CNTD1: variants seen among roughly 807,000 people sequenced by gnomAD.
CNTD1 encodes the protein cyclin N-terminal domain containing 1.
CNTD1 carries 17 observed loss-of-function variants against 36.3 expected under a neutral mutation model. The ratio of observed to expected loss-of-function variants is 0.47; its 90% CI spans 0.32 to 0.70. The LOEUF is 0.70. CNTD1 is among the 30% of genes least tolerant of loss of function. The pLI, the probability that CNTD1 is intolerant of heterozygous loss-of-function variation, is 0.03. For missense variants in CNTD1, 338 were observed against 386.1 expected (o/e 0.88, Z 1.04); for synonymous variants, 128 against 153.3 (o/e 0.83, Z 1.22).
chr17:42,802,192 TC>T (rs2054807498), intron 1 of CNTD1, among the ~76,000 whole-genome samples: 2 of 151,920 alleles, frequency 1.3e-5, no homozygotes, highest in African/African-American at 4.8e-5. Flanking sequence ...CATAGGACAA[TC>T]CCGTCTATTT....
chr17:42,807,762 A>G lies in CNTD1; in HGVS notation c.726-6A>G. 1.9e-6 allele frequency: 3 copies of G among 1,603,342 alleles called. No homozygotes were observed. The highest frequency in any genetic ancestry group is 2.6e-6 in the Non-Finnish European group (3 of 1,170,292). On this transcript the variant is annotated splice_polypyrimidine_tract_variant and splice_region_variant and intron_variant, in intron 5 of 6. Coordinates refer to ENST00000588408, the MANE Select transcript of CNTD1 (RefSeq NM_173478.3). The stretch of plus-strand genomic sequence containing the variant: ...CTTTAAAATTAATGTGGTTTTAATC[A>G]CTCAGGGAAAAGTTTACTTCAGTGA...
upstream of CNTD1, chr17:42,798,843 C>A (rs1203766106): frequency 6.9e-6 from 10 of 1,441,166 alleles, no homozygotes; most frequent in African/African-American, 1.4e-5. Context: ...GAGAAGCGGA[C>A]GTGCTTTCTG....
intron 1 of CNTD1, among the ~76,000 whole-genome samples, chr17:42,800,188 G>C (rs2054755880): frequency 6.6e-6 from 1 of 152,058 alleles, no homozygotes; most frequent in South Asian, 2.1e-4. Context: ...TAGGTACTAT[G>C]GTTAGATAAG....
intron 4 of CNTD1, among the ~76,000 whole-genome samples, chr17:42,806,226 C>CAA (rs34561225): frequency 5.3e-4 from 68 of 129,498 alleles, no homozygotes; most frequent in African/African-American, 1.7e-3. Context: ...GACTCCTTCT[C>CAA]AAAAAAAAAA....
chr17:42,809,522 C>A lies in CNTD1; in HGVS notation c.980C>A (p.Ser327Tyr). 6.2e-7 allele frequency: 1 copy of A among 1,614,004 alleles called. No individual in the cohort carries two copies. Among genetic ancestry groups the A allele is most frequent in the South Asian group, 1.1e-5 (1 of 91,070 alleles). ...GCCAGAGCTCTGAAGACTGTTGCTT[C>A]CTCTAACACATGAGGGAGGCTGAAT... ...LAARALKTVASSNT is the reference protein window; with the variant it reads ...LAARALKTVAYSNT The change falls in exon 7 of 7, where the codon TCC becomes TAC. Residue 327 changes from serine (S) to tyrosine (Y), a missense_variant. Physicochemically the swap from Ser to Tyr is moderately radical, Grantham distance 144 (BLOSUM62 -2). Coordinates refer to ENST00000588408, the MANE Select transcript of CNTD1 (RefSeq NM_173478.3).
At position 42,810,777 on chromosome 17, in the gene CNTD1, G is replaced by T. The variant is rs748988593; in HGVS notation, c.*1242G>T. 1 of 1,608,986 alleles carries T rather than the reference G, an allele frequency of 6.2e-7. No individual in the cohort carries two copies. The highest frequency in any genetic ancestry group is 2.2e-5 in the East Asian group (1 of 44,782). On this transcript the variant is annotated 3_prime_UTR_variant, in exon 7 of 7. Transcript: ENST00000588408. Reference sequence around the variant, plus strand: ...GAAAAAAGTCATTTGTTATAAAATTGTGAGGACACCCAAGCAAGACCCCAC... The same window carrying T: ...GAAAAAAGTCATTTGTTATAAAATTTTGAGGACACCCAAGCAAGACCCCAC...
In CNTD1 at chr17:42,799,752, CAAAAAAAAAAAAA is replaced by C. The variant is rs780393099; in HGVS notation, c.169+535_169+547del. Among the ~76,000 whole-genome samples the C allele has an allele frequency of 8.5e-4, 9 of 10,590 alleles. No individual in the cohort carries two copies. The South Asian group carries it at 0.013, about 16-fold the overall frequency. 6.9% of individuals were successfully genotyped at this position (10,590 alleles called of 152,430 possible). A position where few individuals can be genotyped will look rare whatever the true frequency, so the allele number is the denominator to read the frequency against. ...AGACGACAAGAATGAAACTCCGTCT[CAAAAAAAAAAAAA>C]AAAAAAAAAAAAAAAAAAGGCTGGG... On this transcript the variant is annotated intron_variant, in intron 1 of 6. Coordinates refer to ENST00000588408, the MANE Select transcript of CNTD1 (RefSeq NM_173478.3).
At chr17:42,808,436 A>G (rs1435900146) in intron 6 of CNTD1, among the ~76,000 whole-genome samples, 1 of 151,790 alleles carries the variant, frequency 6.6e-6, no homozygotes, top group Non-Finnish European at 1.5e-5. Context: ...CTGTGGTCCC[A>G]GCTACCCAGG....
At chr17:42,801,543 ATAT>A (rs2054793589) in intron 1 of CNTD1, among the ~76,000 whole-genome samples, 3 of 50,438 alleles carry the variant, frequency 5.9e-5, no homozygotes, top group East Asian at 1.1e-3. Flanking sequence ...ATATATATAT[ATAT>A]AATATATGTG....
intron 3 of CNTD1, 51 bp from the exon 4 acceptor site, chr17:42,805,671 C>A (rs749211686): frequency 1.3e-6 from 2 of 1,513,780 alleles, no homozygotes; most frequent in South Asian, 1.2e-5. Context: ...TCTGTCAAGA[C>A]GTATGAACTT....
chr17:42,810,788 CA>C lies in CNTD1; in HGVS notation c.*1255del. 1 of 1,612,106 alleles carries C rather than the reference CA, an allele frequency of 6.2e-7. No homozygotes were observed. Among genetic ancestry groups the C allele is most frequent in the African/African-American group, 1.3e-5 (1 of 74,970 alleles). On this transcript the variant is annotated 3_prime_UTR_variant, in exon 7 of 7. Transcript: ENST00000588408. Reference sequence around the variant, plus strand: ...TTTGTTATAAAATTGTGAGGACACCCAAGCAAGACCCCACTTAAGATTCGTC... The same window carrying C: ...TTTGTTATAAAATTGTGAGGACACCCAGCAAGACCCCACTTAAGATTCGTC...
intron 1 of CNTD1, among the ~76,000 whole-genome samples, chr17:42,800,892 AACAC>A (rs1274531637): frequency 6.6e-6 from 1 of 152,216 alleles, no homozygotes; most frequent in East Asian, 1.9e-4. Flanking sequence ...CATTAAAAGA[AACAC>A]ACAGACACGG....
At chr17:42,803,992 C>A (rs1216079373) in intron 2 of CNTD1, among the ~76,000 whole-genome samples, 1 of 151,722 alleles carries the variant, frequency 6.6e-6, no homozygotes, top group Admixed American at 6.6e-5. Context: ...TGTGCCTCCA[C>A]ACTTCGCACT....
intron 1 of CNTD1, among the ~76,000 whole-genome samples, chr17:42,799,981 A>G (rs543988277): frequency 6.1e-5 from 9 of 148,506 alleles, no homozygotes; most frequent in Admixed American, 1.4e-4. Flanking sequence ...GGAGAATGGC[A>G]TGAACCCGGG....
intron 1 of CNTD1, among the ~76,000 whole-genome samples, chr17:42,799,590 A>G (rs1271631471): frequency 6.6e-6 from 1 of 151,392 alleles, no homozygotes; most frequent in South Asian, 2.1e-4. Context: ...TGTCTCTACT[A>G]AAAGTACAAA....
chr17:42,801,506 AAAAAATATAT>A (rs1252643601), intron 1 of CNTD1, among the ~76,000 whole-genome samples: 3 of 52,730 alleles, frequency 5.7e-5, no homozygotes, highest in African/African-American at 3.3e-4. Flanking sequence ...AAAAAAAAAA[AAAAAATATAT>A]ATATATATAT....
In CNTD1 at chr17:42,806,833, A is replaced by G. The variant is rs1437779244; in HGVS notation, c.725+15A>G. 7.4e-6 allele frequency: 12 copies of G among 1,613,442 alleles called. No individual in the cohort carries two copies. On this transcript the variant is annotated intron_variant, in intron 5 of 6. Coordinates refer to ENST00000588408, the MANE Select transcript of CNTD1 (RefSeq NM_173478.3). ...CAGCTGCAAGGGTAAGACAACTCCT[A>G]TAGGGTAGGCTCCTTCCAGGAACAG... is the stretch of plus-strand genomic sequence containing the variant.
At chr17:42,804,179 A>G (rs2054838519) in intron 2 of CNTD1, 46 bp from the exon 3 acceptor site, 1 of 1,545,622 alleles carries the variant, frequency 6.5e-7, no homozygotes, top group Non-Finnish European at 8.8e-7. Flanking sequence ...AACTCCCTTT[A>G]GTTTGTGTGA....
At chr17:42,800,003 G>A (rs2054749620) in intron 1 of CNTD1, among the ~76,000 whole-genome samples, 1 of 149,458 alleles carries the variant, frequency 6.7e-6, no homozygotes, top group Non-Finnish European at 1.5e-5. Flanking sequence ...GGCGGAGCTT[G>A]CAGTGAGCTG....
Sources: gnomAD v4.1 joint callset for allele counts (sites outside exome capture counted in the v4.1 genomes callset) on GRCh38, gnomAD v4.1.1 for gene constraint, MANE v1.5 for transcripts, NCBI Gene and HGNC (gene_info 2026-07-23, HGNC 2026-07-21) for gene names.